The following TMPRSS15 variants were observed in gnomAD, a reference collection of about 807,000 sequenced individuals.
TMPRSS15 encodes enteropeptidase.
Under a neutral mutation model 125.3 loss-of-function variants are expected in TMPRSS15, and 128 were observed. The observed-to-expected ratio is 1.02, with a 90% CI of 0.89 to 1.18. The LOEUF is 1.18. Ranked by LOEUF, TMPRSS15 falls within the 50% of genes most tolerant of loss-of-function variation. The pLI is 0.00. For synonymous variants in TMPRSS15, 446 were observed against 423.2 expected (o/e 1.05, Z -0.66); for missense variants, 1,283 against 1,212.7 (o/e 1.06, Z -0.86).
intron 21 of TMPRSS15, among the ~76,000 whole-genome samples, chr21:18,289,437 G>T (rs8126607): frequency 7.9e-5 from 12 of 151,982 alleles, no homozygotes; most frequent in Admixed American, 3.3e-4. Context: ...GCTTGAACCC[G>T]GGAGGCGGAG....
intron 1 of TMPRSS15, among the ~76,000 whole-genome samples, chr21:18,450,116 A>T (rs2076264522): frequency 6.6e-6 from 1 of 152,196 alleles, no homozygotes. Flanking sequence ...TGGCCGCAGC[A>T]TATAGCTCAT....
chr21:18,394,424 A>T (rs1249668619), intron 3 of TMPRSS15, among the ~76,000 whole-genome samples: 1 of 152,144 alleles, frequency 6.6e-6, no homozygotes, highest in Non-Finnish European at 1.5e-5. Context: ...AACAAAAAAA[A>T]TGTGTCATTT....
At chr21:18,404,298 G>C (rs1396841791), upstream of TMPRSS15, among the ~76,000 whole-genome samples, 1 of 152,150 alleles carries the variant, frequency 6.6e-6, no homozygotes, top group African/African-American at 2.4e-5. Context: ...CTTAAACAAG[G>C]CGTTCTATGG....
At chr21:18,300,414 T>A (rs531726865) in intron 18 of TMPRSS15, among the ~76,000 whole-genome samples, 8 of 151,282 alleles carry the variant, frequency 5.3e-5, no homozygotes, top group African/African-American at 1.5e-4. Flanking sequence ...CAATCTCGAC[T>A]CACTGCAACC....
chr21:18,366,663 A>AG (rs1240064170), intron 6 of TMPRSS15, among the ~76,000 whole-genome samples: 1 of 152,012 alleles, frequency 6.6e-6, no homozygotes, highest in East Asian at 1.9e-4. Flanking sequence ...TTTTCCTTCT[A>AG]GTTAGTTACT....
chr21:18,363,481 CAATTA>C (rs1390413771), intron 7 of TMPRSS15, among the ~76,000 whole-genome samples: 1 of 151,980 alleles, frequency 6.6e-6, no homozygotes, highest in Non-Finnish European at 1.5e-5. Context: ...GTGAACTTAG[CAATTA>C]AATTATTTTT....
chr21:18,286,346 T>C (rs1460181720), intron 21 of TMPRSS15, among the ~76,000 whole-genome samples: 1 of 152,244 alleles, frequency 6.6e-6, no homozygotes, highest in Non-Finnish European at 1.5e-5. Context: ...TGAAAACTTC[T>C]AAATTTGTAT....
intron 21 of TMPRSS15, among the ~76,000 whole-genome samples, chr21:18,288,882 A>T (rs1452266847): frequency 6.6e-6 from 1 of 152,072 alleles, no homozygotes; most frequent in Non-Finnish European, 1.5e-5. Context: ...TCTTAAAATG[A>T]TATTATAGTA....
At chr21:18,411,530 A>T (rs578213274) in intron 1 of TMPRSS15, among the ~76,000 whole-genome samples, 66 of 152,290 alleles carry the variant, frequency 4.3e-4, no homozygotes, top group African/African-American at 1.5e-3. Context: ...TCACCTAAAA[A>T]TCACCTATGT....
At chr21:18,431,160 G>A (rs763537812) in intron 1 of TMPRSS15, among the ~76,000 whole-genome samples, 11 of 152,182 alleles carry the variant, frequency 7.2e-5, no homozygotes, top group Non-Finnish European at 1.5e-4. Flanking sequence ...TATACTTGCT[G>A]TGTTAGTTTA....
chr21:18,310,762 C>T (rs2075092221), intron 18 of TMPRSS15, among the ~76,000 whole-genome samples: 1 of 151,892 alleles, frequency 6.6e-6, no homozygotes, highest in Admixed American at 6.6e-5. Context: ...CCAAAGCAAT[C>T]CTGAGCAAAA....
intron 24 of TMPRSS15, among the ~76,000 whole-genome samples, chr21:18,272,451 C>T (rs113731006): frequency 0.013 from 2,003 of 152,114 alleles, 50 homozygotes; most frequent in African/African-American, 0.046. Context: ...GGACCCGGTG[C>T]GGTGGCTCAC....
At chr21:18,373,838 T>A (rs1381005273) in intron 5 of TMPRSS15, among the ~76,000 whole-genome samples, 1 of 152,202 alleles carries the variant, frequency 6.6e-6, no homozygotes, top group Admixed American at 6.5e-5. Context: ...ACTTGACTGA[T>A]CTCATGATTA....
chr21:18,294,187 T>C, intron 21 of TMPRSS15, 83 bp downstream of exon 21: 1 of 1,538,858 alleles, frequency 6.5e-7, no homozygotes. Context: ...GGGATGGTTT[T>C]GTGATGCTGC....
In TMPRSS15 at chr21:18,329,250, G is replaced by T. The variant is rs1569011853; in HGVS notation, c.1699C>A (p.His567Asn). The T allele has an allele frequency of 1.2e-6, 2 of 1,612,052 alleles. No individual in the cohort carries two copies. Among genetic ancestry groups the T allele is most frequent in the Non-Finnish European group, 1.7e-6 (2 of 1,178,682 alleles). The change falls in exon 15 of 25, where the codon CAT (histidine) becomes AAT (asparagine). Residue 567 changes from histidine to asparagine, a missense_variant. Coordinates refer to ENST00000284885, the MANE Select transcript of TMPRSS15 (RefSeq NM_002772.3). ...NAQKGKNIQL[H>N]FQEFDLENIN... Reference sequence around the variant, plus strand: ...TTTTCTAAGTCAAATTCTTGAAAATGAAGTTGTATATTCTTTCCTTTTTGT... The same window carrying T: ...TTTTCTAAGTCAAATTCTTGAAAATTAAGTTGTATATTCTTTCCTTTTTGT...
chr21:18,357,260 T>C (rs1185552859), intron 8 of TMPRSS15, among the ~76,000 whole-genome samples: 1 of 151,890 alleles, frequency 6.6e-6, no homozygotes. Context: ...GAAATAACTT[T>C]CCCAGCACTC....
At chr21:18,345,577 A>T (rs7283355) in intron 10 of TMPRSS15, among the ~76,000 whole-genome samples, 137,878 of 145,274 alleles carry the variant, frequency 0.95, 65,857 homozygotes, top group Middle Eastern at 1. Flanking sequence ...CCGTCTCTAC[A>T]AAAAATACAA....
chr21:18,449,921 G>T (rs2076264085), intron 1 of TMPRSS15, among the ~76,000 whole-genome samples: 1 of 151,098 alleles, frequency 6.6e-6, no homozygotes, highest in African/African-American at 2.4e-5. Flanking sequence ...TGGAAGAATA[G>T]CCTTTCAATT....
intron 21 of TMPRSS15, among the ~76,000 whole-genome samples, chr21:18,293,620 A>AC (rs1305636656): frequency 6.6e-6 from 1 of 151,752 alleles, no homozygotes; most frequent in Non-Finnish European, 1.5e-5. Context: ...CTTTACTCCC[A>AC]CCCCCTTCCA....
Sources: allele counts gnomAD v4.1 joint callset (sites outside exome capture counted in the v4.1 genomes callset), GRCh38; gene constraint gnomAD v4.1.1; transcripts MANE v1.5; gene names NCBI Gene and HGNC (gene_info 2026-07-23, HGNC 2026-07-21).